HS6ST2: variants seen among roughly 807,000 people sequenced by gnomAD.
HS6ST2 encodes the protein heparan sulfate 6-O-sulfotransferase 2.
In HS6ST2, 17 loss-of-function variants were observed where a neutral mutation model predicts 33.0. The ratio of observed to expected loss-of-function variants is 0.52; its 90% CI spans 0.35 to 0.77. The LOEUF is 0.77. Among genes scored for constraint, HS6ST2 ranks in the 30% least tolerant of loss-of-function variants. The pLI is 0.01. For missense variants in HS6ST2, 519 were observed against 551.7 expected (o/e 0.94, Z 0.59); for synonymous variants, 248 against 237.1 (o/e 1.05, Z -0.42).
intron 2 of HS6ST2, among the ~76,000 whole-genome samples, chrX:132,734,551 C>A (rs1402549568): frequency 1.8e-5 from 2 of 111,856 alleles, no homozygotes; most frequent in Non-Finnish European, 3.8e-5. Context: ...CAGCCTTTTC[C>A]CCTCTCTGAA....
chrX:132,798,962 G>A (rs1054273804), intron 2 of HS6ST2, among the ~76,000 whole-genome samples: 5 of 111,982 alleles, frequency 4.5e-5, no homozygotes, highest in African/African-American at 1.6e-4. Context: ...AACCTTGCAA[G>A]GAGGCCTGAC....
rs774379288 is a variant in HS6ST2, at chrX:132,849,892, C to T, written c.947+106916G>A. ...TAGAAGAGAGAGGTGCTTTCAAAATCATCCAGTTGAACCCTTTTATTTTGC... is the reference window on the plus strand; with the variant it reads ...TAGAAGAGAGAGGTGCTTTCAAAATTATCCAGTTGAACCCTTTTATTTTGC... On this transcript the variant is annotated intron_variant, in intron 2 of 4. Coordinates refer to ENST00000370833, the MANE Select transcript of HS6ST2 (RefSeq NM_001394073.1). Among the ~76,000 whole-genome samples, 3 of 112,283 alleles carry T rather than the reference C, an allele frequency of 2.7e-5. No individual in the cohort carries two copies. The East Asian group carries it at 8.4e-4, about 32-fold the overall frequency.
At chrX:132,948,412 G>A (rs1671301417) in intron 2 of HS6ST2, among the ~76,000 whole-genome samples, 1 of 112,184 alleles carries the variant, frequency 8.9e-6, no homozygotes, top group African/African-American at 3.2e-5. Context: ...CTATTGCCAA[G>A]TTATAAATAT....
chrX:132,735,901 G>A (rs1032474864), intron 2 of HS6ST2, among the ~76,000 whole-genome samples: 15 of 111,269 alleles, frequency 1.3e-4, no homozygotes, highest in African/African-American at 4.9e-4. Context: ...GTGCAGTAAT[G>A]CGATCCTGGC....
chrX:132,637,895 T>A (rs1186523984), intron 4 of HS6ST2, among the ~76,000 whole-genome samples: 2 of 50,578 alleles, frequency 4.0e-5, no homozygotes, highest in African/African-American at 3.5e-4. Flanking sequence ...TAATATTTTA[T>A]ATATAATATT....
intron 4 of HS6ST2, among the ~76,000 whole-genome samples, chrX:132,654,663 A>G (rs888964488): frequency 1.6e-4 from 18 of 112,151 alleles, no homozygotes. Flanking sequence ...TATAAGATGG[A>G]ATAAGAGAAT....
At chrX:132,746,193 G>A (rs761617935) in intron 2 of HS6ST2, among the ~76,000 whole-genome samples, 50 of 111,380 alleles carry the variant, frequency 4.5e-4, no homozygotes, top group African/African-American at 1.5e-3. Flanking sequence ...ATAGATTGGT[G>A]CAAAAGTTAA....
chrX:132,741,282 C>T (rs2064573623), intron 2 of HS6ST2, among the ~76,000 whole-genome samples: 1 of 108,398 alleles, frequency 9.2e-6, no homozygotes, highest in African/African-American at 3.4e-5. Flanking sequence ...AGAAACAGCA[C>T]GGGTTTTGTT....
chrX:132,870,331 G>T (rs1439520044), intron 2 of HS6ST2, among the ~76,000 whole-genome samples: 1 of 111,538 alleles, frequency 9.0e-6, no homozygotes, highest in African/African-American at 3.3e-5. Flanking sequence ...TCATGAAAAT[G>T]GCCATACTGC....
At chrX:132,789,862 G>T (rs2065102482) in intron 2 of HS6ST2, among the ~76,000 whole-genome samples, 1 of 111,886 alleles carries the variant, frequency 8.9e-6, no homozygotes, top group Non-Finnish European at 1.9e-5. Flanking sequence ...AGATGTGACT[G>T]GATTGCTACA....
chrX:132,820,154 C>G (rs929716787), intron 2 of HS6ST2, among the ~76,000 whole-genome samples: 2 of 111,082 alleles, frequency 1.8e-5, no homozygotes, highest in East Asian at 2.8e-4. Context: ...TCGAGCCTCC[C>G]CAGCCTGAGG....
intron 2 of HS6ST2, among the ~76,000 whole-genome samples, chrX:132,826,297 A>G (rs1318538062): frequency 9.0e-6 from 1 of 111,376 alleles, no homozygotes; most frequent in African/African-American, 3.3e-5. Flanking sequence ...GAAAGACTCC[A>G]CTAGAAGTTT....
Position 132,630,036 on chromosome X carries a change from C to T in HS6ST2, c.1068-943G>A, listed in dbSNP as rs142790300. Among the ~76,000 whole-genome samples, 960 of 111,873 alleles carry T rather than the reference C, an allele frequency of 8.6e-3. 5 individuals carry two copies. Among genetic ancestry groups the T allele is most frequent in the Non-Finnish European group, 0.011 (596 of 53,208 alleles). On this transcript the variant is annotated intron_variant, in intron 4 of 4. Coordinates refer to ENST00000370833, the MANE Select transcript of HS6ST2 (RefSeq NM_001394073.1). ...AGCAGACTAGCAAACATTTAAACCA[C>T]ATGTTAACACACTCACACCATACAT... is the stretch of plus-strand genomic sequence containing the variant.
intron 4 of HS6ST2, among the ~76,000 whole-genome samples, chrX:132,663,053 T>A (rs777977937): frequency 4.9e-4 from 55 of 111,983 alleles, no homozygotes; most frequent in African/African-American, 1.7e-3. Context: ...CCTTACTTAG[T>A]TTATGACATT....
intron 2 of HS6ST2, among the ~76,000 whole-genome samples, chrX:132,932,974 CATT>C (rs1001292074): frequency 6.6e-5 from 7 of 105,652 alleles, no homozygotes; most frequent in Non-Finnish European, 1.2e-4. Flanking sequence ...ATAATATAGA[CATT>C]ATAAAAATGA....
At chrX:132,956,060 A>C in intron 2 of HS6ST2, among the ~76,000 whole-genome samples, 1 of 112,162 alleles carries the variant, frequency 8.9e-6, no homozygotes, top group Non-Finnish European at 1.9e-5. Context: ...GATGCCTCTC[A>C]TGCAGCCAGT....
chrX:132,749,697 T>C (rs1310746063), intron 2 of HS6ST2, among the ~76,000 whole-genome samples: 2 of 111,461 alleles, frequency 1.8e-5, no homozygotes, highest in African/African-American at 6.5e-5. Flanking sequence ...TGCATTTATT[T>C]TGAATTGGGT....
At chrX:132,935,848 C>T (rs927882620) in intron 2 of HS6ST2, among the ~76,000 whole-genome samples, 1 of 109,556 alleles carries the variant, frequency 9.1e-6, no homozygotes, top group African/African-American at 3.3e-5. Flanking sequence ...TGGGATGAAG[C>T]GATTTGAAAT....
chrX:132,669,068 T>C (rs780981052), intron 4 of HS6ST2, 45 bp downstream of exon 4: 3 of 924,332 alleles, frequency 3.2e-6, no homozygotes, highest in Non-Finnish European at 4.7e-6. Flanking sequence ...AGCACTTGAC[T>C]TTTTGACAGC....
Sources: gnomAD v4.1 joint callset for allele counts (sites outside exome capture counted in the v4.1 genomes callset) on GRCh38, gnomAD v4.1.1 for gene constraint, MANE v1.5 for transcripts, NCBI Gene and HGNC (gene_info 2026-07-23, HGNC 2026-07-21) for gene names.